The following STEAP3 variants were observed in gnomAD, a reference collection of about 807,000 sequenced individuals.
STEAP3 encodes STEAP3 metalloreductase, also known as metalloreductase STEAP3.
A neutral mutation model predicts 34.9 loss-of-function variants in STEAP3; 35 were observed. That is an observed-to-expected ratio of 1.00 (90% CI 0.76 to 1.33). The LOEUF (loss-of-function observed/expected upper bound fraction) is 1.33. STEAP3 is among the 40% of genes most tolerant of loss of function. STEAP3 has a pLI of 0.00. For missense variants in STEAP3, 652 were observed against 667.6 expected (o/e 0.98, Z 0.26); for synonymous variants, 281 against 301.6 (o/e 0.93, Z 0.71).
chr2:119,244,264 G>C (rs1677339463), intron 2 of STEAP3, among the ~76,000 whole-genome samples: 1 of 137,002 alleles, frequency 7.3e-6, no homozygotes. Flanking sequence ...TTATTATTTT[G>C]AGATAGTCTT....
At chr2:119,236,690 G>C (rs1677103616) in intron 2 of STEAP3, among the ~76,000 whole-genome samples, 1 of 152,194 alleles carries the variant, frequency 6.6e-6, no homozygotes, top group Non-Finnish European at 1.5e-5. Flanking sequence ...CTGCAGCTGT[G>C]TGCATGTTTC....
chr2:119,231,476 G>T (rs1676935052), intron 2 of STEAP3, among the ~76,000 whole-genome samples: 1 of 151,848 alleles, frequency 6.6e-6, no homozygotes, highest in Admixed American at 6.6e-5. Context: ...TTCTGCATTG[G>T]TTTAGCACGG....
rs574673455 is a variant in STEAP3 at position 119,248,166 on chromosome 2, G to A, written c.1010G>A (p.Arg337His). ...TACAGCTTCTGCTTGCCGCTGCGCC[G>A]CGCCCACCGCTACGACCTGGTCAAC... ...ALYSFCLPLR[R>H]AHRYDLVNLA... The change falls in exon 4 of 6, where the codon CGC (arginine) becomes CAC (histidine). Residue 337 changes from arginine (R) to histidine (H), a missense_variant. By Grantham distance (29) the Arg-to-His change is conservative. Transcript: ENST00000393110. 4.4e-5 allele frequency: 70 copies of A among 1,603,770 alleles called. No homozygotes were observed. Among genetic ancestry groups the A allele is most frequent in the South Asian group, 3.7e-4 (34 of 90,680 alleles).
chr2:119,231,022 C>T lies in STEAP3; in HGVS notation c.10C>T (p.Gln4Ter). The T allele has an allele frequency of 6.2e-7, 1 of 1,614,214 alleles. No homozygotes were observed. Among genetic ancestry groups the T allele is most frequent in the Non-Finnish European group, 8.5e-7 (1 of 1,180,052 alleles). Residue 4 changes from glutamine (Q) to a stop codon, truncating the protein, a stop_gained, in exon 2 of 6, where the codon CAG (glutamine) becomes TAG (stop). Coordinates refer to ENST00000393110, the MANE Select transcript of STEAP3 (RefSeq NM_182915.3). LOFTEE classifies it high-confidence loss of function. ...CCCTCACGTCAGCCGGATGTCGCAC[C>T]AGCCTGCTGTTGGTAAGTCTGGCTA... MSH[Q>*]PAVATKMPEE...
intron 5 of STEAP3, among the ~76,000 whole-genome samples, chr2:119,260,070 G>C (rs1677894169): frequency 6.6e-6 from 1 of 152,180 alleles, no homozygotes; most frequent in Admixed American, 6.5e-5. Flanking sequence ...TCTGGAAGTG[G>C]GGTTTGGGCA....
At chr2:119,261,986 T>C (rs1392054181) in intron 5 of STEAP3, among the ~76,000 whole-genome samples, 2 of 152,014 alleles carry the variant, frequency 1.3e-5, no homozygotes. Context: ...GATGGAAGAG[T>C]AGGCCCAGCG....
intron 5 of STEAP3, among the ~76,000 whole-genome samples, chr2:119,261,507 C>T (rs1176352132): frequency 6.6e-6 from 1 of 151,938 alleles, no homozygotes; most frequent in African/African-American, 2.4e-5. Flanking sequence ...TCAGTCAGAG[C>T]ACCCCTGTGC....
At position 119,263,501 on chromosome 2, in the gene STEAP3, A is replaced by G. The variant is rs1366800047; in HGVS notation, c.*163A>G. ...AATGTATGCAGTACTATTCAGAATG[A>G]TATACACACATATGTGTATATGTAT... is the stretch of plus-strand genomic sequence containing the variant. On this transcript the variant is annotated 3_prime_UTR_variant, in exon 6 of 6. Transcript: ENST00000393110. The G allele has an allele frequency of 1.2e-6, 1 of 831,238 alleles. No homozygotes were observed. Among genetic ancestry groups the G allele is most frequent in the East Asian group, 2.6e-5 (1 of 37,784 alleles). The allele number at this position is 831,238 out of a possible 1,614,324, so 51.5% of individuals were successfully genotyped here. A position where few individuals can be genotyped will look rare whatever the true frequency, so the allele number is the denominator to read the frequency against.
At chr2:119,224,201 C>T (rs887526758) in intron 1 of STEAP3, among the ~76,000 whole-genome samples, 3 of 152,186 alleles carry the variant, frequency 2.0e-5, no homozygotes, top group East Asian at 1.9e-4. Context: ...GGCGCCCCTC[C>T]GGATGACCCC....
At chr2:119,240,580 GCAGGCAGGCCCATGGGC>G (rs1433962905) in intron 2 of STEAP3, among the ~76,000 whole-genome samples, 3 of 152,248 alleles carry the variant, frequency 2.0e-5, no homozygotes. Flanking sequence ...ACAGGAGCTG[GCAGGCAGGCCCATGGGC>G]CAGGCGTGGC....
intron 4 of STEAP3, among the ~76,000 whole-genome samples, chr2:119,253,853 G>C (rs1677696221): frequency 6.6e-6 from 1 of 152,170 alleles, no homozygotes; most frequent in Non-Finnish European, 1.5e-5. Context: ...TGAGGGCAGG[G>C]TAAGGGCAGG....
chr2:119,229,193 A>C (rs535126592), intron 1 of STEAP3, among the ~76,000 whole-genome samples: 7 of 152,218 alleles, frequency 4.6e-5, no homozygotes, highest in African/African-American at 1.7e-4. Context: ...CCTAGGCTGG[A>C]GTACAGTGGT....
Position 119,263,293 on chromosome 2 carries a change from G to A in STEAP3, c.1452G>A (p.Thr484=), listed in dbSNP as rs371117240. The A allele has an allele frequency of 2.2e-5, 36 of 1,613,778 alleles. No individual in the cohort carries two copies. The highest frequency in any genetic ancestry group is 2.0e-4 in the African/African-American group (15 of 74,902). The change falls in exon 6 of 6, where the codon ACG becomes ACA. Residue 484 remains threonine (T), a synonymous_variant. Transcript: ENST00000393110. ...GWERESTIKF[T]LPTDHALAEK... ...AGAGGGAGAGCACCATCAAGTTCAC[G>A]CTGCCCACAGACCACGCCCTGGCCG...
intron 4 of STEAP3, among the ~76,000 whole-genome samples, chr2:119,250,435 C>T (rs1677589445): frequency 6.6e-6 from 1 of 151,438 alleles, no homozygotes. Flanking sequence ...AAGCTCTCTC[C>T]TAGTGCTAAT....
chr2:119,245,716 G>A lies in STEAP3; in HGVS notation c.250G>A (p.Val84Met), dbSNP rs1193899725. 1.9e-6 allele frequency: 3 copies of A among 1,614,206 alleles called. No homozygotes were observed. Among genetic ancestry groups the A allele is most frequent in the South Asian group, 2.2e-5 (2 of 91,084 alleles). ...TARLFPSAAQ[V>M]TFQEEAVSSP... ...CAGGCTGTTTCCCTCAGCGGCCCAAGTGACTTTCCAAGAGGAGGCAGTGAG... is the reference window on the plus strand; with the variant it reads ...CAGGCTGTTTCCCTCAGCGGCCCAAATGACTTTCCAAGAGGAGGCAGTGAG... Residue 84 changes from valine to methionine, a missense_variant, in exon 3 of 6, where the codon GTG becomes ATG. By Grantham distance (21) the Val-to-Met change is conservative. Transcript: ENST00000393110.
rs771121750 is a variant in STEAP3 at position 119,248,189 on chromosome 2, A to T, written c.1033A>T (p.Asn345Tyr). The T allele has an allele frequency of 2.5e-5, 39 of 1,589,526 alleles. No individual in the cohort carries two copies. The highest frequency in any genetic ancestry group is 3.3e-5 in the Non-Finnish European group (39 of 1,166,600). The change falls in exon 4 of 6, where the codon AAC (asparagine) becomes TAC (tyrosine). Residue 345 changes from asparagine (N) to tyrosine (Y), a missense_variant. Physicochemically the swap from Asn to Tyr is moderately radical, Grantham distance 143. Coordinates refer to ENST00000393110, the MANE Select transcript of STEAP3 (RefSeq NM_182915.3). ...CCGCGCCCACCGCTACGACCTGGTCAACCTGGCAGTCAAGCAGGTACCCAC... is the reference window on the plus strand; with the variant it reads ...CCGCGCCCACCGCTACGACCTGGTCTACCTGGCAGTCAAGCAGGTACCCAC... ...LRRAHRYDLV[N>Y]LAVKQVLANK...
At chr2:119,245,301 C>A in intron 2 of STEAP3, 188 bp from the exon 3 acceptor site, 1 of 740,012 alleles carries the variant, frequency 1.4e-6, no homozygotes, top group Non-Finnish European at 2.1e-6. Context: ...TGAGTCTGTG[C>A]TCTCCCCAGG....
intron 5 of STEAP3, among the ~76,000 whole-genome samples, chr2:119,258,929 G>GA (rs386391020): frequency 3.8e-3 from 3 of 782 alleles, no homozygotes; most frequent in Non-Finnish European, 5.8e-3. Context: ...GCCTTCCTTT[G>GA]GTATTTTTTT....
At chr2:119,226,916 C>T (rs754568109) in intron 1 of STEAP3, among the ~76,000 whole-genome samples, 2 of 152,176 alleles carry the variant, frequency 1.3e-5, no homozygotes, top group Non-Finnish European at 2.9e-5. Flanking sequence ...ATATGGACCC[C>T]AACCTCTTTT....
Sources: allele counts gnomAD v4.1 joint callset (sites outside exome capture counted in the v4.1 genomes callset), GRCh38; gene constraint gnomAD v4.1.1; transcripts MANE v1.5; gene names NCBI Gene and HGNC (gene_info 2026-07-23, HGNC 2026-07-21).